The following DNAH5 variants were observed in gnomAD, a reference collection of about 807,000 sequenced individuals.
DNAH5 encodes axonemal beta dynein heavy chain 5.
A neutral mutation model predicts 518.2 loss-of-function variants in DNAH5; 372 were observed. The observed-to-expected ratio is 0.72, with a 90% CI of 0.66 to 0.78. The LOEUF (loss-of-function observed/expected upper bound fraction) is 0.78. DNAH5 is among the 30% of genes least tolerant of loss of function. The pLI, the probability that DNAH5 is intolerant of heterozygous loss-of-function variation, is 0.00. For missense variants in DNAH5, 5,523 were observed against 5,687.0 expected, an observed-to-expected ratio of 0.97 and a Z score of 0.93; for synonymous variants, 2,039 against 2,025.9, an observed-to-expected ratio of 1.01 and a Z score of -0.17.
Position 13,864,738 on chromosome 5 carries a change from A to G in DNAH5, c.4356-101T>C, listed in dbSNP as rs1318483663. The G allele has an allele frequency of 2.3e-6, 3 of 1,277,400 alleles. No individual in the cohort carries two copies. The East Asian group carries it at 6.9e-5, about 29-fold the overall frequency. 79.1% of individuals were successfully genotyped at this position (1,277,400 alleles called of 1,614,324 possible). On this transcript the variant is annotated intron_variant, in intron 27 of 78. Transcript: ENST00000265104. Reference sequence around the variant, plus strand: ...ATTTCTATTAAAAACAGTCTCTTTGAATACTTATCCTATTTTAAATCCCAT... The same window carrying G: ...ATTTCTATTAAAAACAGTCTCTTTGGATACTTATCCTATTTTAAATCCCAT...
chr5:14,002,642 TAC>T (rs35739229), intron 1 of DNAH5, among the ~76,000 whole-genome samples: 108,665 of 151,792 alleles, frequency 0.72, 39,110 homozygotes, highest in South Asian at 0.8. Flanking sequence ...CACAGATACA[TAC>T]ACACACAGTA....
Position 13,865,877 on chromosome 5 carries a change from G to A in DNAH5, c.4146C>T (p.Tyr1382=), listed in dbSNP as rs1180013323. The A allele has an allele frequency of 7.5e-6, 12 of 1,606,786 alleles. No individual in the cohort carries two copies. The highest frequency in any genetic ancestry group is 1.3e-5 in the African/African-American group (1 of 74,826). ...QNQFDNIYRK[Y]ITYTGGEELF... ...GCTCCTCTCCTCCAGTATATGTGAT[G>A]TATTTCCGATAGATATTATCAAATT... is the stretch of plus-strand genomic sequence containing the variant. Residue 1382 remains tyrosine (Y), a synonymous_variant, in exon 27 of 79, where the codon TAC becomes TAT. Coordinates refer to ENST00000265104, the MANE Select transcript of DNAH5 (RefSeq NM_001369.3).
chr5:13,937,726 C>T (rs957454654), intron 1 of DNAH5, among the ~76,000 whole-genome samples: 1 of 151,958 alleles, frequency 6.6e-6, no homozygotes, highest in African/African-American at 2.4e-5. Flanking sequence ...CTTTGTTGCA[C>T]GTCTGAATCT....
chr5:13,721,386 G>GT, intron 70 of DNAH5, 141 bp from the exon 71 acceptor site: 1 of 959,244 alleles, frequency 1.0e-6, no homozygotes, highest in Non-Finnish European at 1.6e-6. Context: ...GGTAGAGACT[G>GT]TTTTTCATAT....
In DNAH5 at chr5:13,793,624, G is replaced by A; in HGVS notation, c.8115C>T (p.Ala2705=). 1 of 1,614,130 alleles carries A rather than the reference G, an allele frequency of 6.2e-7. No individual in the cohort carries two copies. Among genetic ancestry groups the A allele is most frequent in the Non-Finnish European group, 8.5e-7 (1 of 1,180,022 alleles). The change falls in exon 49 of 79, where the codon GCC becomes GCT. Residue 2705 remains alanine, a synonymous_variant. Transcript: ENST00000265104. ...TSIVDIQFLA[A]MIHPGGGRND... ...TGCGTCCACCACCAGGATGGATCAT[G>A]GCTGCCAAAAACTGGATGTCCACGA...
intron 47 of DNAH5, among the ~76,000 whole-genome samples, chr5:13,801,721 G>T (rs959492553): frequency 2.0e-5 from 3 of 151,964 alleles, no homozygotes; most frequent in African/African-American, 7.2e-5. Flanking sequence ...GACTCCAGGG[G>T]GTTCCTCGTC....
intron 76 of DNAH5, 108 bp downstream of exon 76, chr5:13,708,015 G>T: frequency 7.5e-7 from 1 of 1,335,434 alleles, no homozygotes; most frequent in Non-Finnish European, 1.1e-6. Context: ...TCGTCCCTGT[G>T]CAAAAGAATC....
At position 13,841,918 on chromosome 5, in the gene DNAH5, C is replaced by CAAAAAAAAAAAAAAAAAAAAATAAAAAAA; in HGVS notation, c.5272-15_5272-14insTTTTTTTATTTTTTTTTTTTTTTTTTTTT. The CAAAAAAAAAAAAAAAAAAAAATAAAAAAA allele has an allele frequency of 1.7e-6, 1 of 591,134 alleles. No individual in the cohort carries two copies. Among genetic ancestry groups the CAAAAAAAAAAAAAAAAAAAAATAAAAAAA allele is most frequent in the East Asian group, 3.3e-5 (1 of 30,196 alleles). The allele number at this position is 591,134 out of a possible 1,614,324, so 36.6% of individuals were successfully genotyped here. ...TCGATCATAGATCTATGTTAGAAAC[C>CAAAAAAAAAAAAAAAAAAAAATAAAAAAA]AAAAAAAAAAAAAAAAAAAGCTATA... On this transcript the variant is annotated splice_polypyrimidine_tract_variant and intron_variant, in intron 32 of 78. Transcript: ENST00000265104.
At chr5:13,937,178 G>A (rs1358301740) in intron 1 of DNAH5, among the ~76,000 whole-genome samples, 1 of 151,452 alleles carries the variant, frequency 6.6e-6, no homozygotes, top group Non-Finnish European at 1.5e-5. Flanking sequence ...GACATAGGAT[G>A]CCCAAGGGCA....
chr5:13,799,041 C>G (rs962501639), intron 47 of DNAH5, among the ~76,000 whole-genome samples: 1 of 152,084 alleles, frequency 6.6e-6, no homozygotes, highest in Non-Finnish European at 1.5e-5. Flanking sequence ...GCTGGGATTA[C>G]AGGCATGAGC....
At chr5:13,701,574 T>G in intron 76 of DNAH5, 138 bp from the exon 77 acceptor site, 1 of 802,564 alleles carries the variant, frequency 1.2e-6, no homozygotes, top group Non-Finnish European at 2.0e-6. Flanking sequence ...GTCATGAATT[T>G]TCCCTGGATT....
At chr5:13,718,348 G>A (rs1744583350) in intron 72 of DNAH5, among the ~76,000 whole-genome samples, 2 of 152,186 alleles carry the variant, frequency 1.3e-5, no homozygotes, top group South Asian at 2.1e-4. Flanking sequence ...AAAGTTCCAT[G>A]TTCTTTTCAT....
At chr5:13,807,189 C>T (rs1759746089) in intron 47 of DNAH5, among the ~76,000 whole-genome samples, 1 of 152,066 alleles carries the variant, frequency 6.6e-6, no homozygotes, top group Admixed American at 6.6e-5. Context: ...AACAGGGACG[C>T]ATTAAAGATT....
At chr5:13,825,845 TA>T (rs1240120372) in intron 38 of DNAH5, among the ~76,000 whole-genome samples, 1 of 152,202 alleles carries the variant, frequency 6.6e-6, no homozygotes, top group African/African-American at 2.4e-5. Context: ...GTTAAGATAG[TA>T]AATTTAATTT....
intron 68 of DNAH5, among the ~76,000 whole-genome samples, chr5:13,734,568 A>G (rs1000651187): frequency 5.3e-5 from 8 of 152,218 alleles, no homozygotes; most frequent in Admixed American, 1.3e-4. Flanking sequence ...TGTTTTATCT[A>G]CATCACACCA....
chr5:14,010,110 G>A (rs1012509539), intron 1 of DNAH5, among the ~76,000 whole-genome samples: 2 of 151,876 alleles, frequency 1.3e-5, no homozygotes, highest in Non-Finnish European at 2.9e-5. Flanking sequence ...GGAACCTATT[G>A]CTTCAATGAT....
At chr5:13,915,972 A>G (rs1219579390) in intron 9 of DNAH5, among the ~76,000 whole-genome samples, 1 of 152,122 alleles carries the variant, frequency 6.6e-6, no homozygotes. Context: ...ATAAATTTGG[A>G]ACAGTGGCAT....
At chr5:13,867,018 C>T (rs371039463) in intron 25 of DNAH5, among the ~76,000 whole-genome samples, 5 of 152,116 alleles carry the variant, frequency 3.3e-5, no homozygotes, top group African/African-American at 1.2e-4. Context: ...CAGCGCCCGG[C>T]AATTGCTGAG....
chr5:13,931,067 T>C (rs1444966470), intron 2 of DNAH5, 43 bp downstream of exon 2: 1 of 1,613,842 alleles, frequency 6.2e-7, no homozygotes, highest in Non-Finnish European at 8.5e-7. Context: ...AGACCATCTG[T>C]GCCCTCCATC....
Sources: gnomAD v4.1 joint callset for allele counts (sites outside exome capture counted in the v4.1 genomes callset) on GRCh38, gnomAD v4.1.1 for gene constraint, MANE v1.5 for transcripts, NCBI Gene and HGNC (gene_info 2026-07-23, HGNC 2026-07-21) for gene names.